NLRP14: variants seen among roughly 807,000 people sequenced by gnomAD.
NLRP14 encodes NLR family pyrin domain containing 14.
Under a neutral mutation model 94.7 loss-of-function variants are expected in NLRP14, and 105 were observed. That is an observed-to-expected ratio of 1.11 (90% confidence interval 0.95 to 1.30). NLRP14 has a LOEUF of 1.30. Ranked by LOEUF, NLRP14 falls within the 50% of genes most tolerant of loss-of-function variation. The pLI is 0.00. For missense variants in NLRP14, 1,362 were observed against 1,254.1 expected (o/e 1.09, Z -1.30); for synonymous variants, 508 against 459.9 (o/e 1.10, Z -1.34).
chr11:7,080,730 T>G, the NLRP14 span, among the ~76,000 whole-genome samples: 1 of 152,158 alleles, frequency 6.6e-6, no homozygotes, highest in Admixed American at 6.5e-5. Context: ...AAATAATATT[T>G]ATCACCAAGG....
At chr11:7,037,424 C>T (rs1188898516) in intron 1 of NLRP14, among the ~76,000 whole-genome samples, 1 of 151,692 alleles carries the variant, frequency 6.6e-6, no homozygotes, top group Non-Finnish European at 1.5e-5. Flanking sequence ...TTTTTCCAAT[C>T]ATATTAGCAA....
At chr11:7,044,632 C>T (rs1852324081) in intron 4 of NLRP14, among the ~76,000 whole-genome samples, 1 of 152,182 alleles carries the variant, frequency 6.6e-6, no homozygotes, top group African/African-American at 2.4e-5. Context: ...TTATTCTACT[C>T]TACCTCCTTT....
downstream of NLRP14, among the ~76,000 whole-genome samples, chr11:7,072,273 G>A (rs779914196): frequency 2.7e-4 from 41 of 152,208 alleles, no homozygotes; most frequent in Non-Finnish European, 4.9e-4. Context: ...ACTTGGACAC[G>A]TCTGCTGCCT....
chr11:7,085,304 G>A, the NLRP14 span, among the ~76,000 whole-genome samples: 2 of 152,156 alleles, frequency 1.3e-5, no homozygotes, highest in East Asian at 3.8e-4. Context: ...AGTGTTAAGT[G>A]TATTCATACT....
At chr11:7,051,584 A>G (rs1275156904) in intron 6 of NLRP14, among the ~76,000 whole-genome samples, 2 of 152,298 alleles carry the variant, frequency 1.3e-5, no homozygotes, top group Middle Eastern at 3.4e-3. Context: ...GCCCCTGTAC[A>G]TGAACATACT....
In NLRP14 at chr11:7,032,451, T is replaced by C. The variant is rs77203687; in HGVS notation, c.-21-6115T>C. Among the ~76,000 whole-genome samples the C allele has an allele frequency of 1.3e-3, 192 of 152,342 alleles. 4 individuals are homozygous for C. In the South Asian group the frequency reaches 0.038, roughly 31 times the overall value. ...CTTTTCTGTATTTAGGATTTTTTTT[T>C]CAGTGGATGATTTCCCAAAGAAGAT... On this transcript the variant is annotated intron_variant, in intron 1 of 11. Transcript: ENST00000299481.
intron 11 of NLRP14, among the ~76,000 whole-genome samples, chr11:7,070,806 C>T (rs1852782995): frequency 6.6e-6 from 1 of 151,948 alleles, no homozygotes; most frequent in Non-Finnish European, 1.5e-5. Flanking sequence ...GGATCTGAGT[C>T]AATATAGGCT....
At chr11:7,065,091 G>A (rs1852685115) in intron 10 of NLRP14, among the ~76,000 whole-genome samples, 1 of 151,934 alleles carries the variant, frequency 6.6e-6, no homozygotes, top group Non-Finnish European at 1.5e-5. Context: ...AAATAAATTG[G>A]AAATATCAAC....
intron 1 of NLRP14, among the ~76,000 whole-genome samples, chr11:7,022,566 A>G (rs573482502): frequency 2.0e-5 from 3 of 152,356 alleles, no homozygotes; most frequent in African/African-American, 7.2e-5. Context: ...TAAGCAGCCA[A>G]CCTAAAACTT....
At chr11:7,075,464 A>T (rs1195758955), downstream of NLRP14, among the ~76,000 whole-genome samples, 1 of 152,226 alleles carries the variant, frequency 6.6e-6, no homozygotes, top group Non-Finnish European at 1.5e-5. Flanking sequence ...GCGTTTAATA[A>T]AATTCAGTCT....
chr11:7,088,001 C>G, the NLRP14 span, among the ~76,000 whole-genome samples: 1 of 152,018 alleles, frequency 6.6e-6, no homozygotes, highest in African/African-American at 2.4e-5. Context: ...GACATAAAGA[C>G]AAAGAGAAAT....
downstream of NLRP14, among the ~76,000 whole-genome samples, chr11:7,076,050 T>G (rs1852871002): frequency 6.6e-6 from 1 of 152,238 alleles, no homozygotes; most frequent in Non-Finnish European, 1.5e-5. Context: ...ACCTAAATTT[T>G]GGGGTTCTAC....
chr11:7,042,518 C>A lies in NLRP14; in HGVS notation c.492C>A (p.His164Gln), dbSNP rs1589861686. Residue 164 changes from histidine to glutamine, a missense_variant, in exon 4 of 12, where the codon CAC becomes CAA. Physicochemically the swap from His to Gln is conservative, Grantham distance 24. Transcript: ENST00000299481. Reference protein sequence around the residue: ...IAEKDRKLLEHLFDVDVKTGA... With the variant: ...IAEKDRKLLEQLFDVDVKTGA... ...AGAAAGATAGAAAACTGTTGGAACA[C>A]TTGTTCGATGTGGATGTCAAAACCG... 1.1e-5 allele frequency: 18 copies of A among 1,614,202 alleles called. No individual in the cohort carries two copies. Among genetic ancestry groups the A allele is most frequent in the Non-Finnish European group, 1.5e-5 (18 of 1,179,992 alleles).
At chr11:7,066,953 T>C (rs575587942) in intron 10 of NLRP14, among the ~76,000 whole-genome samples, 31 of 152,318 alleles carry the variant, frequency 2.0e-4, no homozygotes, top group African/African-American at 7.2e-4. Flanking sequence ...ATTTATTAAA[T>C]AGGGAATCCT....
chr11:7,070,223 C>G lies in NLRP14; in HGVS notation c.2976-63C>G, dbSNP rs1852769746. On this transcript the variant is annotated intron_variant, in intron 10 of 11. Transcript: ENST00000299481. ...TCCTCCATTCTGAGTTCACAGATCT[C>G]TTGTGGGCTTTGTTGTGTCATCGAA... The G allele has an allele frequency of 8.3e-6, 10 of 1,201,420 alleles. No individual in the cohort carries two copies. In the South Asian group the frequency reaches 1.2e-4, roughly 15 times the overall value. 74.4% of individuals were successfully genotyped at this position (1,201,420 alleles called of 1,614,324 possible).
intron 8 of NLRP14, 98 bp from the exon 9 acceptor site, chr11:7,059,796 A>C: frequency 9.3e-7 from 1 of 1,080,342 alleles, no homozygotes; most frequent in Non-Finnish European, 1.4e-6. Flanking sequence ...AATGTTGGCA[A>C]ATAGATAAGG....
chr11:7,062,393 T>C lies in NLRP14; in HGVS notation c.2865T>C (p.Asn955=). 6.2e-7 allele frequency: 1 copy of C among 1,613,218 alleles called. No homozygotes were observed. Among genetic ancestry groups the C allele is most frequent in the Non-Finnish European group, 8.5e-7 (1 of 1,179,362 alleles). ...TGGATCTGGCTTCTGTTATTTTGAA[T>C]AACCCAAACCTGAGGAGCCTGGACC... ...CCLDLASVIL[N]NPNLRSLDLG... The change falls in exon 10 of 12, where the codon AAT becomes AAC. Residue 955 remains asparagine (N), a synonymous_variant. Coordinates refer to ENST00000299481, the MANE Select transcript of NLRP14 (RefSeq NM_176822.4).
intron 10 of NLRP14, among the ~76,000 whole-genome samples, chr11:7,063,498 C>G (rs888791334): frequency 5.3e-5 from 8 of 152,064 alleles, no homozygotes; most frequent in Non-Finnish European, 1.2e-4. Flanking sequence ...ATTACAAACA[C>G]AATCCTGGAA....
At chr11:7,035,265 G>T (rs762642244) in intron 1 of NLRP14, among the ~76,000 whole-genome samples, 3 of 152,206 alleles carry the variant, frequency 2.0e-5, no homozygotes, top group African/African-American at 7.2e-5. Context: ...GGCAGAGGTT[G>T]CAGTGAGTGG....
Sources: allele counts gnomAD v4.1 joint callset (sites outside exome capture counted in the v4.1 genomes callset), GRCh38; gene constraint gnomAD v4.1.1; transcripts MANE v1.5; gene names NCBI Gene and HGNC (gene_info 2026-07-23, HGNC 2026-07-21).